Variants in LUZP2 observed in about 807,000 individuals in gnomAD.
The protein encoded by LUZP2 is leucine zipper protein 2.
LUZP2 carries 52 observed loss-of-function variants against 51.6 expected under a neutral mutation model. That is an observed-to-expected ratio of 1.01 (90% CI 0.81 to 1.27). The LOEUF (loss-of-function observed/expected upper bound fraction) is 1.27, where lower values mean the gene tolerates loss of function less well. Among genes scored for constraint, LUZP2 ranks in the 50% most tolerant of loss-of-function variants. The pLI, the probability that LUZP2 is intolerant of heterozygous loss-of-function variation, is 0.00. For missense variants in LUZP2, 436 were observed against 395.4 expected, an observed-to-expected ratio of 1.10 and a Z score of -0.87; for synonymous variants, 154 against 137.3, an observed-to-expected ratio of 1.12 and a Z score of -0.85.
At chr11:24,629,491 CAT>C (rs1205662310) in intron 1 of LUZP2, among the ~76,000 whole-genome samples, 1 of 145,706 alleles carries the variant, frequency 6.9e-6, no homozygotes, top group African/African-American at 2.5e-5. Context: ...TATTCCATTG[CAT>C]ATATATATTA....
At chr11:24,918,949 T>C (rs1853908126) in intron 7 of LUZP2, among the ~76,000 whole-genome samples, 2 of 133,514 alleles carry the variant, frequency 1.5e-5, no homozygotes, top group African/African-American at 5.5e-5. Flanking sequence ...ATACTATATA[T>C]CCATAATATG....
chr11:24,578,708 C>T (rs1852746044), intron 1 of LUZP2, among the ~76,000 whole-genome samples: 1 of 152,166 alleles, frequency 6.6e-6, no homozygotes, highest in South Asian at 2.1e-4. Context: ...TATGTTCTCA[C>T]TTATAAGTGG....
intron 5 of LUZP2, among the ~76,000 whole-genome samples, chr11:24,900,681 A>G (rs1365704949): frequency 6.6e-6 from 1 of 152,188 alleles, no homozygotes; most frequent in Non-Finnish European, 1.5e-5. Context: ...AGAGAAGTCG[A>G]CTGTTAAAAC....
At chr11:24,641,300 A>G (rs957073098) in intron 1 of LUZP2, among the ~76,000 whole-genome samples, 5 of 151,764 alleles carry the variant, frequency 3.3e-5, no homozygotes, top group Admixed American at 6.6e-5. Context: ...AAAATATAAT[A>G]TGATATCAAC....
intron 1 of LUZP2, among the ~76,000 whole-genome samples, chr11:24,646,866 G>C (rs1855476235): frequency 6.6e-6 from 1 of 151,878 alleles, no homozygotes; most frequent in African/African-American, 2.4e-5. Flanking sequence ...AGTCATCATG[G>C]GAAATGAAAG....
rs140367716 is a variant in LUZP2 at position 24,906,037 on chromosome 11, G to A, written c.443G>A (p.Gly148Asp). 7 of 1,612,840 alleles carry A rather than the reference G, an allele frequency of 4.3e-6. No homozygotes were observed. The highest frequency in any genetic ancestry group is 5.9e-6 in the Non-Finnish European group (7 of 1,179,354). Residue 148 changes from glycine (G) to aspartate (D), a missense_variant, in exon 6 of 12, where the codon GGC (glycine) becomes GAC (aspartate). Gly to Asp is a moderately conservative substitution (Grantham distance 94, BLOSUM62 -1). Coordinates refer to ENST00000336930, the MANE Select transcript of LUZP2 (RefSeq NM_001009909.4). Reference protein sequence around the residue: ...NKLLSGNKLCGIHAEESKKIQ... With the variant: ...NKLLSGNKLCDIHAEESKKIQ... ...CTCTTGTCAGGAAACAAGCTCTGTG[G>A]CATTCACGCAGAAGAGGTGAGTAAA...
At chr11:24,985,137 T>C (rs1237368314) in intron 9 of LUZP2, among the ~76,000 whole-genome samples, 1 of 151,806 alleles carries the variant, frequency 6.6e-6, no homozygotes, top group East Asian at 1.9e-4. Flanking sequence ...TGTATTCAAC[T>C]ACATTGTTTT....
At chr11:24,922,654 A>G (rs1041406581) in intron 7 of LUZP2, among the ~76,000 whole-genome samples, 1 of 152,014 alleles carries the variant, frequency 6.6e-6, no homozygotes, top group Admixed American at 6.6e-5. Flanking sequence ...ATTTTCTTAC[A>G]TGATTCCAGA....
intron 5 of LUZP2, among the ~76,000 whole-genome samples, chr11:24,870,744 A>G (rs1470882289): frequency 6.6e-6 from 1 of 152,084 alleles, no homozygotes; most frequent in Admixed American, 6.6e-5. Flanking sequence ...AAAAGCCTTA[A>G]GGGGGTTTCT....
At chr11:24,631,968 T>C (rs12286707) in intron 1 of LUZP2, among the ~76,000 whole-genome samples, 35,722 of 151,742 alleles carry the variant, frequency 0.24, 4,793 homozygotes, top group African/African-American at 0.37. Flanking sequence ...AGCCTGCTGC[T>C]GCTGCCTATT....
intron 4 of LUZP2, 117 bp from the exon 5 acceptor site, chr11:24,763,129 T>C (rs1008045001): frequency 7.0e-6 from 4 of 572,726 alleles, no homozygotes; most frequent in African/African-American, 5.9e-5. Context: ...TAATTCTTTG[T>C]TCTTTTTCAA....
chr11:24,886,566 G>A, intron 5 of LUZP2, among the ~76,000 whole-genome samples: 1 of 152,072 alleles, frequency 6.6e-6, no homozygotes, highest in Non-Finnish European at 1.5e-5. Flanking sequence ...GATTTTATAA[G>A]AAGAACATTC....
At position 24,593,996 on chromosome 11, in the gene LUZP2, T is replaced by C. The variant is rs142379977; in HGVS notation, c.62+96691T>C. Among the ~76,000 whole-genome samples, 16 of 152,328 alleles carry C rather than the reference T, an allele frequency of 1.1e-4. No homozygotes were observed. In the East Asian group the frequency reaches 2.5e-3, roughly 24 times the overall value. The stretch of plus-strand genomic sequence containing the variant: ...AATAGAATTACATTGCTGTTGTATA[T>C]ACCTGCCAGAGTGCCTGGCACTTAG... On this transcript the variant is annotated intron_variant, in intron 1 of 11. Transcript: ENST00000336930.
chr11:24,510,056 C>G (rs1043619881), intron 1 of LUZP2, among the ~76,000 whole-genome samples: 1 of 152,080 alleles, frequency 6.6e-6, no homozygotes, highest in Non-Finnish European at 1.5e-5. Flanking sequence ...TTCATAATAA[C>G]CTCATTTTAT....
At chr11:24,913,804 C>A (rs919763637) in intron 6 of LUZP2, among the ~76,000 whole-genome samples, 1 of 151,744 alleles carries the variant, frequency 6.6e-6, no homozygotes. Context: ...AATCTGAAGT[C>A]CTTATATTTA....
chr11:24,677,779 G>T (rs1856611291), intron 1 of LUZP2, among the ~76,000 whole-genome samples: 2 of 152,106 alleles, frequency 1.3e-5, no homozygotes, highest in African/African-American at 4.8e-5. Context: ...GCGGGGTGTG[G>T]TGGCTCGCAC....
intron 7 of LUZP2, among the ~76,000 whole-genome samples, chr11:24,943,545 G>A (rs945608650): frequency 6.6e-6 from 1 of 152,098 alleles, no homozygotes; most frequent in East Asian, 1.9e-4. Flanking sequence ...TCTGGGGAAA[G>A]TCCATCTAAT....
intron 4 of LUZP2, 147 bp downstream of exon 4, chr11:24,738,449 G>A: frequency 1.7e-6 from 1 of 593,016 alleles, no homozygotes; most frequent in South Asian, 2.4e-5. Flanking sequence ...GAACAGAATA[G>A]TACTTGGTCA....
intron 5 of LUZP2, among the ~76,000 whole-genome samples, chr11:24,783,584 C>T (rs1354500312): frequency 2.6e-5 from 4 of 152,024 alleles, no homozygotes; most frequent in African/African-American, 9.6e-5. Context: ...CTCTGGTATG[C>T]ATTTTAAATT....
Sources: allele counts gnomAD v4.1 joint callset (sites outside exome capture counted in the v4.1 genomes callset), GRCh38; gene constraint gnomAD v4.1.1; transcripts MANE v1.5; gene names NCBI Gene and HGNC (gene_info 2026-07-23, HGNC 2026-07-21).